Variants in CCDC148 observed in about 807,000 individuals in gnomAD.
The protein encoded by CCDC148 is coiled-coil domain-containing protein 148.
Under a neutral mutation model 85.7 loss-of-function variants are expected in CCDC148, and 89 were observed. The ratio of observed to expected loss-of-function variants is 1.04; its 90% confidence interval spans 0.87 to 1.24. The LOEUF is 1.24. CCDC148 is among the 50% of genes most tolerant of loss of function. CCDC148 has a pLI of 0.00. For missense variants in CCDC148, 692 were observed against 671.7 expected, an observed-to-expected ratio of 1.03 and a Z score of -0.33; for synonymous variants, 230 against 213.9, an observed-to-expected ratio of 1.08 and a Z score of -0.66.
chr2:158,358,335 G>A (rs1276490022), intron 2 of CCDC148, 114 bp downstream of exon 2: 26 of 1,237,668 alleles, frequency 2.1e-5, no homozygotes, highest in Non-Finnish European at 2.8e-5. Flanking sequence ...TTTCTACTTG[G>A]GAGTTTCTAA....
intron 10 of CCDC148, among the ~76,000 whole-genome samples, chr2:158,237,837 T>C (rs2105318479): frequency 6.6e-6 from 1 of 152,102 alleles, no homozygotes; most frequent in East Asian, 1.9e-4. Flanking sequence ...GCTTAGAAGA[T>C]GGAACGGTGA....
intron 11 of CCDC148, among the ~76,000 whole-genome samples, chr2:158,193,109 T>C (rs560785434): frequency 6.6e-6 from 1 of 152,102 alleles, no homozygotes. Flanking sequence ...TACATCTTTC[T>C]GATATCATGT....
At chr2:158,410,677 C>T (rs1686219315) in intron 1 of CCDC148, among the ~76,000 whole-genome samples, 1 of 152,028 alleles carries the variant, frequency 6.6e-6, no homozygotes, top group African/African-American at 2.4e-5. Flanking sequence ...TCAGAGTTTA[C>T]TTCTTTTTGT....
chr2:158,380,644 C>T (rs144360167), intron 1 of CCDC148, among the ~76,000 whole-genome samples: 2 of 152,144 alleles, frequency 1.3e-5, no homozygotes, highest in East Asian at 3.9e-4. Flanking sequence ...TATAGAAATG[C>T]AAAGGACAAG....
intron 1 of CCDC148, among the ~76,000 whole-genome samples, chr2:158,381,280 G>T (rs1014331088): frequency 6.6e-6 from 1 of 152,048 alleles, no homozygotes; most frequent in African/African-American, 2.4e-5. Flanking sequence ...GAAAAAGGCA[G>T]ACGACCCAAT....
chr2:158,367,215 C>T (rs1033878950), intron 1 of CCDC148, among the ~76,000 whole-genome samples: 3 of 152,236 alleles, frequency 2.0e-5, no homozygotes, highest in South Asian at 4.1e-4. Flanking sequence ...ATCAAATATA[C>T]CTTTTTCCTT....
intron 2 of CCDC148, among the ~76,000 whole-genome samples, chr2:158,351,515 G>C (rs533744129): frequency 3.3e-5 from 5 of 151,890 alleles, no homozygotes; most frequent in African/African-American, 7.2e-5. Flanking sequence ...GCGCTTTTCC[G>C]ACCGGCTTAA....
chr2:158,431,491 A>T (rs115876495), intron 1 of CCDC148, among the ~76,000 whole-genome samples: 16 of 151,236 alleles, frequency 1.1e-4, no homozygotes, highest in Middle Eastern at 3.4e-3. Context: ...TGTTTTTTAA[A>T]AAAAAAAAAA....
chr2:158,449,520 T>A (rs1688306292), intron 1 of CCDC148, among the ~76,000 whole-genome samples: 1 of 152,000 alleles, frequency 6.6e-6, no homozygotes, highest in Middle Eastern at 3.4e-3. Flanking sequence ...GGATCTCGGC[T>A]CACTGCAGCC....
At chr2:158,399,513 C>G (rs1369311893) in intron 1 of CCDC148, among the ~76,000 whole-genome samples, 1 of 152,052 alleles carries the variant, frequency 6.6e-6, no homozygotes. Flanking sequence ...TAAACAGAAC[C>G]AACGACAAAA....
At chr2:158,386,926 G>C (rs954813678) in intron 1 of CCDC148, among the ~76,000 whole-genome samples, 2 of 152,046 alleles carry the variant, frequency 1.3e-5, no homozygotes, top group Admixed American at 1.3e-4. Flanking sequence ...GTTTTTGCCA[G>C]TGAATCTCTG....
chr2:158,254,458 C>T (rs1323299099), intron 9 of CCDC148, among the ~76,000 whole-genome samples: 4 of 151,530 alleles, frequency 2.6e-5, no homozygotes, highest in African/African-American at 4.8e-5. Flanking sequence ...ATTTGACTAA[C>T]GAATGGATAA....
intron 10 of CCDC148, among the ~76,000 whole-genome samples, chr2:158,243,040 G>GTC (rs1688417701): frequency 6.6e-6 from 1 of 151,984 alleles, no homozygotes; most frequent in Non-Finnish European, 1.5e-5. Flanking sequence ...GCTCAGCCCT[G>GTC]TCTCTCTCTT....
intron 10 of CCDC148, among the ~76,000 whole-genome samples, chr2:158,236,422 A>C (rs766891531): frequency 6.6e-6 from 1 of 152,200 alleles, no homozygotes; most frequent in Non-Finnish European, 1.5e-5. Context: ...ATATTGCATA[A>C]TGATCATGTC....
chr2:158,340,927 C>A (rs1682653057), intron 3 of CCDC148, among the ~76,000 whole-genome samples: 1 of 152,092 alleles, frequency 6.6e-6, no homozygotes, highest in Non-Finnish European at 1.5e-5. Flanking sequence ...GGAGAGGACC[C>A]AGAGCATTGG....
chr2:158,197,794 G>T (rs543774449), intron 11 of CCDC148, among the ~76,000 whole-genome samples: 26 of 151,874 alleles, frequency 1.7e-4, no homozygotes, highest in Non-Finnish European at 1.0e-4. Flanking sequence ...GTTTCTTCCA[G>T]TATCCTGGAA....
chr2:158,313,916 C>T (rs202243557), intron 7 of CCDC148, 22 bp from the exon 8 acceptor site: 234 of 1,606,364 alleles, frequency 1.5e-4, no homozygotes, highest in Non-Finnish European at 1.8e-4. Flanking sequence ...AAAAATGTCA[C>T]AACATATTAT....
rs145200122 is a variant in CCDC148, at chr2:158,208,625, C to T, written c.1370+11970G>A. 4.5e-3 allele frequency among the ~76,000 whole-genome samples: 690 copies of T among 152,244 alleles called. 4 individuals are homozygous for T. Among genetic ancestry groups the T allele is most frequent in the Middle Eastern group, 0.041 (12 of 294 alleles). On this transcript the variant is annotated intron_variant, in intron 11 of 13. Coordinates refer to ENST00000283233, the MANE Select transcript of CCDC148 (RefSeq NM_138803.4). Reference sequence around the variant, plus strand: ...TCATGAGACCACAGGGGAGGAGGCACGCCATGAGGTCCAGTAGTCATGGTT... The same window carrying T: ...TCATGAGACCACAGGGGAGGAGGCATGCCATGAGGTCCAGTAGTCATGGTT...
At chr2:158,342,552 C>T (rs996588254) in intron 3 of CCDC148, among the ~76,000 whole-genome samples, 5 of 152,062 alleles carry the variant, frequency 3.3e-5, no homozygotes, top group South Asian at 2.1e-4. Flanking sequence ...CCATCTAGCT[C>T]GGCACCCAGA....
Sources: allele counts gnomAD v4.1 joint callset (sites outside exome capture counted in the v4.1 genomes callset), GRCh38; gene constraint gnomAD v4.1.1; transcripts MANE v1.5; gene names NCBI Gene and HGNC (gene_info 2026-07-23, HGNC 2026-07-21).